Variants in IFNG-AS1 observed in about 807,000 individuals in gnomAD.
IFNG-AS1 encodes the protein IFNG regulatory antisense RNA 1, also known as IFNG antisense RNA 1 (non-protein coding).
intron 1 of IFNG-AS1, among the ~76,000 whole-genome samples, chr12:67,993,956 T>C (rs1592818676): frequency 6.6e-6 from 1 of 152,238 alleles, no homozygotes; most frequent in East Asian, 1.9e-4. Flanking sequence ...TGCTGTGGTT[T>C]ATTTGCATAA....
intron 2 of IFNG-AS1, among the ~76,000 whole-genome samples, chr12:67,999,422 G>T (rs999801840): frequency 6.6e-6 from 1 of 152,172 alleles, no homozygotes; most frequent in Admixed American, 6.5e-5. Context: ...GGAAAGTACT[G>T]TGTAAGATTA....
At chr12:68,014,252 T>C (rs1201682250) in intron 3 of IFNG-AS1, among the ~76,000 whole-genome samples, 1 of 152,236 alleles carries the variant, frequency 6.6e-6, no homozygotes, top group Admixed American at 6.5e-5. Flanking sequence ...TATAAACGTG[T>C]GTGCAAGTAT....
chr12:68,004,993 C>T (rs1187207225), intron 2 of IFNG-AS1, among the ~76,000 whole-genome samples: 1 of 152,160 alleles, frequency 6.6e-6, no homozygotes, highest in Non-Finnish European at 1.5e-5. Flanking sequence ...TCTACATATC[C>T]TCTTTTCATA....
At chr12:67,997,304 G>A (rs1020885851) in intron 2 of IFNG-AS1, among the ~76,000 whole-genome samples, 25 of 151,848 alleles carry the variant, frequency 1.6e-4, no homozygotes, top group African/African-American at 4.8e-4. Flanking sequence ...CTAGGCAAAC[G>A]AACTGATAGA....
chr12:68,004,417 G>A lies in IFNG-AS1; in HGVS notation n.185-1673G>A, dbSNP rs977591174. On this transcript the variant is annotated intron_variant and non_coding_transcript_variant, in intron 2 of 5. Coordinates refer to ENST00000536914, the Ensembl canonical transcript of IFNG-AS1. ...CCAGATTCCTCTCTTCCCAATGCTG[G>A]ATCTTCCCAGCTTGCTCTCTCTCCC... 2.6e-5 allele frequency among the ~76,000 whole-genome samples: 4 copies of A among 152,016 alleles called. No individual in the cohort carries two copies. The East Asian group carries it at 7.7e-4, about 29-fold the overall frequency.
At chr12:68,020,224 G>A (rs1226919719) in intron 4 of IFNG-AS1, 2 of 152,092 alleles carry the variant, frequency 1.3e-5, no homozygotes, top group Non-Finnish European at 2.9e-5. Flanking sequence ...CATGACACAC[G>A]AATCATGACA....
At chr12:68,013,890 C>A (rs1044055160) in intron 3 of IFNG-AS1, among the ~76,000 whole-genome samples, 27 of 152,300 alleles carry the variant, frequency 1.8e-4, no homozygotes, top group African/African-American at 6.3e-4. Context: ...GCACCCATCA[C>A]CCGAGCAGTG....
At chr12:68,017,055 A>C (rs1880172526) in intron 3 of IFNG-AS1, among the ~76,000 whole-genome samples, 1 of 152,176 alleles carries the variant, frequency 6.6e-6, no homozygotes, top group Non-Finnish European at 1.5e-5. Flanking sequence ...GAATGACAGA[A>C]GGGACCTTTT....
At chr12:67,991,371 G>C (rs2120406241) in intron 1 of IFNG-AS1, among the ~76,000 whole-genome samples, 1 of 152,304 alleles carries the variant, frequency 6.6e-6, no homozygotes, top group South Asian at 2.1e-4. Flanking sequence ...GTGGGGTTGA[G>C]AGGTGTGGCT....
At chr12:68,006,482 T>A (rs1879908171) in intron 3 of IFNG-AS1, among the ~76,000 whole-genome samples, 1 of 152,134 alleles carries the variant, frequency 6.6e-6, no homozygotes, top group Admixed American at 6.5e-5. Context: ...AAGGAAGGGA[T>A]CAGACATACC....
At chr12:68,011,468 G>T (rs990324837) in intron 3 of IFNG-AS1, among the ~76,000 whole-genome samples, 2 of 152,062 alleles carry the variant, frequency 1.3e-5, no homozygotes, top group Non-Finnish European at 2.9e-5. Context: ...ACCTGAAAAT[G>T]CAAAAAGCGT....
chr12:67,996,732 A>G (rs566774938), intron 2 of IFNG-AS1, among the ~76,000 whole-genome samples: 1 of 152,358 alleles, frequency 6.6e-6, no homozygotes, highest in South Asian at 2.1e-4. Flanking sequence ...TTAATAACAT[A>G]GGATATTGAT....
At chr12:67,993,170 CTTTATTT>C (rs1879554882) in intron 1 of IFNG-AS1, among the ~76,000 whole-genome samples, 1 of 152,034 alleles carries the variant, frequency 6.6e-6, no homozygotes, top group African/African-American at 2.4e-5. Flanking sequence ...ATTTCTTTTT[CTTTATTT>C]TTTAATTTCT....
intron 2 of IFNG-AS1, among the ~76,000 whole-genome samples, chr12:67,996,522 A>G (rs1274178593): frequency 6.6e-6 from 1 of 152,154 alleles, no homozygotes; most frequent in East Asian, 1.9e-4. Context: ...ACCCTCTTAA[A>G]TCTATGTAGC....
rs183123243 is a variant in IFNG-AS1, at chr12:68,021,124, A to G, written n.278+1226A>G. The G allele has an allele frequency of 4.6e-5, 7 of 152,248 alleles. No homozygotes were observed. The East Asian group carries it at 1.4e-3, about 29-fold the overall frequency. 9.4% of individuals were successfully genotyped at this position (152,248 alleles called of 1,614,324 possible). ...CAGCAATCATGTGAGTTATTAGTCT[A>G]AGTATTTGTTTTTCTCAAATATGGT... On this transcript the variant is annotated intron_variant and non_coding_transcript_variant, in intron 4 of 5. Coordinates refer to ENST00000536914, the Ensembl canonical transcript of IFNG-AS1.
At chr12:67,990,421 C>A (rs750824538) in intron 1 of IFNG-AS1, among the ~76,000 whole-genome samples, 3 of 152,146 alleles carry the variant, frequency 2.0e-5, no homozygotes, top group Non-Finnish European at 4.4e-5. Context: ...CCATATAAAT[C>A]CTCTCTGAGC....
intron 3 of IFNG-AS1, among the ~76,000 whole-genome samples, chr12:68,008,578 A>T (rs1370839372): frequency 2.6e-5 from 4 of 152,190 alleles, no homozygotes; most frequent in Admixed American, 6.5e-5. Flanking sequence ...GATTAGCACA[A>T]TAGAAATTAA....
At chr12:68,016,470 G>T (rs1880158329) in intron 3 of IFNG-AS1, among the ~76,000 whole-genome samples, 1 of 152,134 alleles carries the variant, frequency 6.6e-6, no homozygotes, top group Non-Finnish European at 1.5e-5. Flanking sequence ...CCTGGTCCTG[G>T]TGTCGCTATG....
At chr12:67,992,764 T>G (rs1262363224) in intron 1 of IFNG-AS1, among the ~76,000 whole-genome samples, 1 of 152,256 alleles carries the variant, frequency 6.6e-6, no homozygotes, top group Non-Finnish European at 1.5e-5. Flanking sequence ...ACTGTTTTTC[T>G]TTGAGTAAAT....
Sources: gnomAD v4.1 joint callset for allele counts (sites outside exome capture counted in the v4.1 genomes callset) on GRCh38, gnomAD v4.1.1 for gene constraint, MANE v1.5 for transcripts, NCBI Gene and HGNC (gene_info 2026-07-23, HGNC 2026-07-21) for gene names.